Variants in BABAM2 observed in about 807,000 individuals in gnomAD.
The protein encoded by BABAM2 is BRISC and BRCA1 A complex member 2.
In BABAM2, 31 loss-of-function variants were observed where a neutral mutation model predicts 54.7. The observed-to-expected ratio is 0.57, with a 90% CI of 0.43 to 0.77. BABAM2 has a LOEUF of 0.77. BABAM2 is among the 30% of genes least tolerant of loss of function. BABAM2 has a pLI of 0.00. For synonymous variants in BABAM2, 167 were observed against 162.9 expected (o/e 1.03, Z -0.19); for missense variants, 364 against 455.8 (o/e 0.80, Z 1.83).
In BABAM2 at chr2:28,261,474, C is replaced by T. The variant is rs1055992375; in HGVS notation, c.934+16612C>T. 3.0e-4 allele frequency among the ~76,000 whole-genome samples: 45 copies of T among 151,778 alleles called. 1 individual carries two copies. Among genetic ancestry groups the T allele is most frequent in the African/African-American group, 9.7e-4 (40 of 41,302 alleles). Reference sequence around the variant, plus strand: ...CCTCCCGAGTAGCTGGGACTACAGGCGCCCGCCACCACACCCGGTTAATTT... The same window carrying T: ...CCTCCCGAGTAGCTGGGACTACAGGTGCCCGCCACCACACCCGGTTAATTT... On this transcript the variant is annotated intron_variant, in intron 10 of 11. Transcript: ENST00000379624.
At chr2:28,213,407 A>G (rs1395463180) in intron 7 of BABAM2, among the ~76,000 whole-genome samples, 1 of 152,152 alleles carries the variant, frequency 6.6e-6, no homozygotes, top group Non-Finnish European at 1.5e-5. Context: ...TTTTTGAGAC[A>G]TACATGCAAA....
In BABAM2 at chr2:28,172,242, C is replaced by T. The variant is rs146793668; in HGVS notation, c.680+42862C>T. 1.8e-4 allele frequency among the ~76,000 whole-genome samples: 28 copies of T among 152,222 alleles called. No homozygotes were observed. In the East Asian group the frequency reaches 5.2e-3, roughly 28 times the overall value. On this transcript the variant is annotated intron_variant, in intron 7 of 11. Transcript: ENST00000379624. ...GAAGAACATCATCTGCAATAATATA[C>T]GTAGTTTTGTCCTCCCTATCTTTAA... is the stretch of plus-strand genomic sequence containing the variant.
intron 4 of BABAM2, among the ~76,000 whole-genome samples, chr2:27,989,669 A>T (rs1672645340): frequency 6.6e-6 from 1 of 152,200 alleles, no homozygotes; most frequent in South Asian, 2.1e-4. Context: ...TAATGGAATA[A>T]GGAGAGATCG....
chr2:28,163,710 A>G (rs903134879), intron 7 of BABAM2, among the ~76,000 whole-genome samples: 2 of 152,204 alleles, frequency 1.3e-5, no homozygotes, highest in Non-Finnish European at 1.5e-5. Flanking sequence ...TCTTAACACA[A>G]TGTACTCCTA....
chr2:28,181,548 G>C (rs759997347), intron 7 of BABAM2, among the ~76,000 whole-genome samples: 1 of 152,022 alleles, frequency 6.6e-6, no homozygotes, highest in Non-Finnish European at 1.5e-5. Context: ...AAAATAGCTA[G>C]AAGAAAAGAC....
intron 7 of BABAM2, among the ~76,000 whole-genome samples, chr2:28,158,876 T>C (rs1672794883): frequency 6.6e-6 from 1 of 152,232 alleles, no homozygotes; most frequent in African/African-American, 2.4e-5. Context: ...TTCTCATTAA[T>C]GCCTTTGCCC....
intron 6 of BABAM2, among the ~76,000 whole-genome samples, chr2:28,061,584 C>CAA (rs397871191): frequency 0.033 from 1,778 of 53,716 alleles, 73 homozygotes; most frequent in African/African-American, 0.1. Context: ...GACTCTGTCT[C>CAA]AAAAAAAAAA....
chr2:28,200,454 A>G (rs1427224997), intron 7 of BABAM2, among the ~76,000 whole-genome samples: 1 of 152,244 alleles, frequency 6.6e-6, no homozygotes, highest in Non-Finnish European at 1.5e-5. Flanking sequence ...ATCATTTCAG[A>G]GAGAAGAAAA....
intron 5 of BABAM2, among the ~76,000 whole-genome samples, chr2:28,026,395 T>C (rs1456625688): frequency 1.3e-5 from 2 of 151,998 alleles, no homozygotes; most frequent in Non-Finnish European, 2.9e-5. Context: ...TGGAATACTA[T>C]GCAGCCATAA....
At chr2:27,996,095 C>T (rs538322408) in intron 4 of BABAM2, among the ~76,000 whole-genome samples, 8 of 152,138 alleles carry the variant, frequency 5.3e-5, no homozygotes, top group African/African-American at 1.4e-4. Context: ...GTGTGTGTTT[C>T]GTTTGCTTTT....
intron 3 of BABAM2, among the ~76,000 whole-genome samples, chr2:27,987,331 A>T (rs377122990): frequency 6.6e-6 from 1 of 152,248 alleles, no homozygotes; most frequent in Non-Finnish European, 1.5e-5. Flanking sequence ...GACTGTGTCT[A>T]TACAGAATCA....
At chr2:28,286,504 G>A (rs959896193) in intron 10 of BABAM2, among the ~76,000 whole-genome samples, 2 of 152,014 alleles carry the variant, frequency 1.3e-5, no homozygotes, top group Admixed American at 6.6e-5. Context: ...CCTGTATTCC[G>A]TCTACCCAGA....
upstream of BABAM2, among the ~76,000 whole-genome samples, chr2:27,889,289 T>G (rs761959023): frequency 1.4e-4 from 22 of 152,216 alleles, 1 homozygote; most frequent in Non-Finnish European, 2.8e-4. Context: ...CCAAAGCCTT[T>G]TTGTTTAGTT....
intron 7 of BABAM2, among the ~76,000 whole-genome samples, chr2:28,226,926 T>C (rs1680943184): frequency 6.6e-6 from 1 of 152,076 alleles, no homozygotes; most frequent in Non-Finnish European, 1.5e-5. Flanking sequence ...ACAGAGGTTT[T>C]TGGTCTGGGA....
intron 6 of BABAM2, among the ~76,000 whole-genome samples, chr2:28,076,901 C>T (rs1246732526): frequency 6.6e-6 from 1 of 152,148 alleles, no homozygotes; most frequent in Admixed American, 6.6e-5. Flanking sequence ...GGACAGGCTC[C>T]ATGCCTTATT....
chr2:28,151,538 GCACTC>G (rs1403851681), intron 7 of BABAM2, among the ~76,000 whole-genome samples: 1 of 152,060 alleles, frequency 6.6e-6, no homozygotes, highest in Non-Finnish European at 1.5e-5. Flanking sequence ...TCGCGCCATT[GCACTC>G]CAGCCTTGGC....
chr2:28,024,652 G>A (rs1237476754), intron 4 of BABAM2, among the ~76,000 whole-genome samples: 1 of 152,068 alleles, frequency 6.6e-6, no homozygotes, highest in African/African-American at 2.4e-5. Flanking sequence ...ATGAACTGTG[G>A]TTATTCAGAT....
intron 10 of BABAM2, among the ~76,000 whole-genome samples, chr2:28,259,216 T>A (rs1558479821): frequency 6.9e-6 from 1 of 145,598 alleles, no homozygotes; most frequent in Non-Finnish European, 1.5e-5. Flanking sequence ...GCCTCCCAAG[T>A]AGCTGGGACT....
chr2:28,318,493 C>A (rs1249596248), intron 11 of BABAM2, among the ~76,000 whole-genome samples: 1 of 152,114 alleles, frequency 6.6e-6, no homozygotes, highest in Non-Finnish European at 1.5e-5. Context: ...TAGATAATCT[C>A]TAGGGTTTTC....
Sources: gnomAD v4.1 joint callset for allele counts (sites outside exome capture counted in the v4.1 genomes callset) on GRCh38, gnomAD v4.1.1 for gene constraint, MANE v1.5 for transcripts, NCBI Gene and HGNC (gene_info 2026-07-23, HGNC 2026-07-21) for gene names.